SLC25A21: variants seen among roughly 807,000 people sequenced by gnomAD.
The protein encoded by SLC25A21 is solute carrier family 25 member 21.
In SLC25A21, 47 loss-of-function variants were observed where a neutral mutation model predicts 43.8. The observed-to-expected ratio is 1.07, with a 90% CI of 0.85 to 1.37. The LOEUF (loss-of-function observed/expected upper bound fraction) is 1.37. Among genes scored for constraint, SLC25A21 ranks in the 40% most tolerant of loss-of-function variants. SLC25A21 has a pLI of 0.00. For synonymous variants in SLC25A21, 131 were observed against 121.3 expected, an observed-to-expected ratio of 1.08 and a Z score of -0.52; for missense variants, 352 against 350.2, an observed-to-expected ratio of 1.00 and a Z score of -0.04.
At chr14:36,985,090 A>G (rs1420199306) in intron 1 of SLC25A21, among the ~76,000 whole-genome samples, 1 of 150,232 alleles carries the variant, frequency 6.7e-6, no homozygotes, top group East Asian at 2.0e-4. Context: ...AAAACCAAAC[A>G]CCGCATATTC....
At chr14:36,848,410 T>G (rs1002726410) in intron 2 of SLC25A21, among the ~76,000 whole-genome samples, 3 of 152,230 alleles carry the variant, frequency 2.0e-5, no homozygotes, top group African/African-American at 7.2e-5. Flanking sequence ...CCAAAGCACT[T>G]TCCAAATTAT....
intron 1 of SLC25A21, among the ~76,000 whole-genome samples, chr14:37,072,722 C>T (rs1962197844): frequency 6.6e-6 from 1 of 151,444 alleles, no homozygotes; most frequent in African/African-American, 2.4e-5. Context: ...CCAGCCTGGG[C>T]GGAGCAAGAC....
chr14:37,069,169 T>TC (rs1473458606), intron 1 of SLC25A21, among the ~76,000 whole-genome samples: 1 of 151,456 alleles, frequency 6.6e-6, no homozygotes. Flanking sequence ...AGAGTGAGAC[T>TC]CCATCTCAAA....
chr14:36,696,083 T>C (rs1883010453), intron 7 of SLC25A21, among the ~76,000 whole-genome samples: 1 of 152,188 alleles, frequency 6.6e-6, no homozygotes, highest in Non-Finnish European at 1.5e-5. Context: ...ATACATTCCA[T>C]CAATACCTAG....
intron 1 of SLC25A21, among the ~76,000 whole-genome samples, chr14:36,896,971 A>T (rs993126806): frequency 6.6e-6 from 1 of 152,002 alleles, no homozygotes; most frequent in African/African-American, 2.4e-5. Context: ...TGCCCTTAAC[A>T]TTTTTTACTT....
chr14:37,119,267 G>T (rs1048266733), intron 1 of SLC25A21, among the ~76,000 whole-genome samples: 8 of 152,104 alleles, frequency 5.3e-5, no homozygotes, highest in Admixed American at 3.9e-4. Context: ...GAAATAACTA[G>T]GCCAGGCACA....
chr14:36,697,992 C>A lies in SLC25A21; in HGVS notation c.604-13067G>T, dbSNP rs1007907126. Among the ~76,000 whole-genome samples, 12 of 152,118 alleles carry A rather than the reference C, an allele frequency of 7.9e-5. No homozygotes were observed. In the East Asian group the frequency reaches 2.3e-3, roughly 29 times the overall value. ...TGGCTACTTTGCCCGTTAATTGATG[C>A]AGTTTCTTCATAGCATCAATGGTCT... is the stretch of plus-strand genomic sequence containing the variant. On this transcript the variant is annotated intron_variant, in intron 7 of 9. Transcript: ENST00000331299.
At position 36,702,539 on chromosome 14, in the gene SLC25A21, A is replaced by G. The variant is rs1042303173; in HGVS notation, c.603+8779T>C. Among the ~76,000 whole-genome samples, 3 of 151,768 alleles carry G rather than the reference A, an allele frequency of 2.0e-5. No homozygotes were observed. In the East Asian group the frequency reaches 5.8e-4, roughly 29 times the overall value. On this transcript the variant is annotated intron_variant, in intron 7 of 9. Transcript: ENST00000331299. Reference sequence around the variant, plus strand: ...AAAAAAAGAAAACGGACTTCCCTACACCATCTCCCTGCCCCATCATGGGTC... The same window carrying G: ...AAAAAAAGAAAACGGACTTCCCTACGCCATCTCCCTGCCCCATCATGGGTC...
intron 1 of SLC25A21, among the ~76,000 whole-genome samples, chr14:36,966,310 C>T (rs1165262788): frequency 1.3e-5 from 2 of 152,178 alleles, no homozygotes; most frequent in African/African-American, 4.8e-5. Context: ...ACTCCATAGC[C>T]ATCCTAACAA....
chr14:37,105,946 C>T (rs116322794), intron 1 of SLC25A21, among the ~76,000 whole-genome samples: 2,013 of 152,136 alleles, frequency 0.013, 46 homozygotes, highest in African/African-American at 0.046. Flanking sequence ...AGGCTGGAGC[C>T]GCGGCAGAGA....
chr14:36,859,912 T>C lies in SLC25A21; in HGVS notation c.119+15044A>G. ...GCTGTGCCCATTTTTAAATGACATT[T>C]ATTCAATCATTCATTCACCAAGTGT... is the stretch of plus-strand genomic sequence containing the variant. On this transcript the variant is annotated intron_variant, in intron 2 of 9. Transcript: ENST00000331299. Among the ~76,000 whole-genome samples the C allele has an allele frequency of 1.3e-5, 2 of 152,192 alleles. 1 individual carries two copies. Among genetic ancestry groups the C allele is most frequent in the Middle Eastern group, 6.3e-3 (2 of 316 alleles).
intron 1 of SLC25A21, among the ~76,000 whole-genome samples, chr14:37,037,880 T>G (rs113396166): frequency 3.9e-5 from 6 of 152,212 alleles, no homozygotes; most frequent in Non-Finnish European, 8.8e-5. Flanking sequence ...CAATCCTGTT[T>G]GCACATTGAC....
Position 36,678,883 on chromosome 14 carries a change from A to C in SLC25A21, c.*1775T>G. The C allele has an allele frequency of 1.0e-6, 1 of 974,496 alleles. No individual in the cohort carries two copies. The highest frequency in any genetic ancestry group is 1.2e-6 in the Non-Finnish European group (1 of 818,772). The allele number at this position is 974,496 out of a possible 1,614,324, so 60.4% of individuals were successfully genotyped here. A position where few individuals can be genotyped will look rare whatever the true frequency, so the allele number is the denominator to read the frequency against. ...AGATACAATTTGCTATTCAAAGAAA[A>C]TTATGATTTAAAGCCACTTTTTAAA... On this transcript the variant is annotated 3_prime_UTR_variant, in exon 10 of 10. Coordinates refer to ENST00000331299, the MANE Select transcript of SLC25A21 (RefSeq NM_030631.4).
chr14:37,025,962 GGCATGC>G (rs2138760767), intron 1 of SLC25A21, among the ~76,000 whole-genome samples: 1 of 152,150 alleles, frequency 6.6e-6, no homozygotes, highest in South Asian at 2.1e-4. Context: ...CCCTAGACCA[GGCATGC>G]ACTTATTTAC....
chr14:37,091,790 CCTCT>C (rs1962591580), intron 1 of SLC25A21, among the ~76,000 whole-genome samples: 2 of 152,134 alleles, frequency 1.3e-5, no homozygotes, highest in Non-Finnish European at 1.5e-5. Context: ...CATATTTTCT[CCTCT>C]CTGATTTCCC....
intron 7 of SLC25A21, among the ~76,000 whole-genome samples, chr14:36,687,805 T>C (rs2281417): frequency 0.31 from 46,929 of 152,108 alleles, 7,560 homozygotes; most frequent in East Asian, 0.58. Context: ...ATCAAGTTCC[T>C]GTTACCTTTA....
At chr14:36,917,579 T>A (rs578169721) in intron 1 of SLC25A21, among the ~76,000 whole-genome samples, 2 of 152,146 alleles carry the variant, frequency 1.3e-5, no homozygotes, top group Non-Finnish European at 2.9e-5. Context: ...AGGAGGCAAT[T>A]TGATAATGCT....
At chr14:36,855,688 C>A (rs8010937) in intron 2 of SLC25A21, among the ~76,000 whole-genome samples, 7,196 of 152,232 alleles carry the variant, frequency 0.047, 238 homozygotes, top group East Asian at 0.1. Context: ...GATACACGCT[C>A]AAGTTTGAGA....
chr14:36,754,048 T>A (rs922383874), intron 3 of SLC25A21, among the ~76,000 whole-genome samples: 1 of 152,140 alleles, frequency 6.6e-6, no homozygotes, highest in African/African-American at 2.4e-5. Flanking sequence ...TTTTACCTGA[T>A]TCTATTCACC....
Sources: allele counts gnomAD v4.1 joint callset (sites outside exome capture counted in the v4.1 genomes callset), GRCh38; gene constraint gnomAD v4.1.1; transcripts MANE v1.5; gene names NCBI Gene and HGNC (gene_info 2026-07-23, HGNC 2026-07-21).